The following TRIO variants were observed in gnomAD, a reference collection of about 807,000 sequenced individuals.
TRIO encodes the protein triple functional domain protein.
In TRIO, 58 loss-of-function variants were observed where a neutral mutation model predicts 351.9. The observed-to-expected ratio is 0.16, with a 90% CI of 0.13 to 0.21. The LOEUF (loss-of-function observed/expected upper bound fraction) is 0.21, where lower values mean the gene tolerates loss of function less well. Ranked by LOEUF, TRIO falls within the 10% of genes least tolerant of loss-of-function variation. TRIO has a pLI of 1.00. For missense variants in TRIO, 3,201 were observed against 4,027.8 expected, an observed-to-expected ratio of 0.79 and a Z score of 5.56; for synonymous variants, 1,758 against 1,595.7, an observed-to-expected ratio of 1.10 and a Z score of -2.42.
intron 1 of TRIO, among the ~76,000 whole-genome samples, chr5:14,245,359 T>C (rs918870512): frequency 6.6e-6 from 1 of 152,214 alleles, no homozygotes; most frequent in Non-Finnish European, 1.5e-5. Flanking sequence ...ATAGGATCAG[T>C]GTACGGTTTT....
At chr5:14,276,634 C>T (rs917844633) in intron 2 of TRIO, among the ~76,000 whole-genome samples, 12 of 152,128 alleles carry the variant, frequency 7.9e-5, no homozygotes, top group African/African-American at 2.4e-4. Flanking sequence ...GGTTGGACAG[C>T]GGCTGAAGAA....
chr5:14,394,181 T>G (rs1227094083), intron 28 of TRIO, 51 bp downstream of exon 28: 2 of 1,191,218 alleles, frequency 1.7e-6, no homozygotes, highest in Non-Finnish European at 2.4e-6. Context: ...TATGTATTAT[T>G]TTGACATTTA....
At chr5:14,226,533 C>G (rs1161977792) in intron 1 of TRIO, among the ~76,000 whole-genome samples, 1 of 152,152 alleles carries the variant, frequency 6.6e-6, no homozygotes, top group Admixed American at 6.5e-5. Flanking sequence ...CTTTTTGAAA[C>G]TAAGGGTAGC....
intron 15 of TRIO, 50 bp from the exon 16 acceptor site, chr5:14,366,810 G>T: frequency 6.2e-7 from 1 of 1,611,466 alleles, no homozygotes; most frequent in South Asian, 1.1e-5. Flanking sequence ...GTGGTCCACA[G>T]GATTCTCTGG....
chr5:14,308,813 T>A (rs539988397), intron 8 of TRIO, among the ~76,000 whole-genome samples: 3 of 148,728 alleles, frequency 2.0e-5, no homozygotes, highest in Admixed American at 2.0e-4. Flanking sequence ...GCCATCCACC[T>A]ACATTTATCA....
intron 1 of TRIO, among the ~76,000 whole-genome samples, chr5:14,184,394 G>T (rs146653535): frequency 6.6e-6 from 1 of 152,338 alleles, no homozygotes; most frequent in East Asian, 1.9e-4. Flanking sequence ...CTTCCCTTCT[G>T]CAACGTGCCC....
chr5:14,215,953 T>C (rs1480824137), intron 1 of TRIO, among the ~76,000 whole-genome samples: 2 of 152,202 alleles, frequency 1.3e-5, no homozygotes, highest in African/African-American at 2.4e-5. Context: ...TTCCATCCCC[T>C]CCACTTAATC....
chr5:14,384,618 T>C (rs149176225), intron 21 of TRIO, among the ~76,000 whole-genome samples: 11 of 152,284 alleles, frequency 7.2e-5, no homozygotes, highest in African/African-American at 2.6e-4. Context: ...TATCTCACCT[T>C]GATACCGAGA....
intron 13 of TRIO, among the ~76,000 whole-genome samples, chr5:14,362,366 TTTC>T (rs1744221559): frequency 6.6e-6 from 1 of 152,232 alleles, no homozygotes; most frequent in South Asian, 2.1e-4. Flanking sequence ...TTGACAGTCA[TTTC>T]TTATTGTCAT....
intron 7 of TRIO, among the ~76,000 whole-genome samples, chr5:14,303,390 T>A (rs1272542363): frequency 2.2e-5 from 3 of 134,528 alleles, no homozygotes; most frequent in Admixed American, 7.6e-5. Flanking sequence ...TTGGGATGGC[T>A]GCCGCAGGAA....
intron 3 of TRIO, among the ~76,000 whole-genome samples, chr5:14,280,985 G>A (rs1169518190): frequency 6.6e-6 from 1 of 152,154 alleles, no homozygotes; most frequent in Admixed American, 6.6e-5. Context: ...AAGCAATGTT[G>A]TGTTTTCTGG....
intron 33 of TRIO, among the ~76,000 whole-genome samples, chr5:14,417,545 G>A (rs536741529): frequency 2.0e-5 from 3 of 152,354 alleles, no homozygotes; most frequent in African/African-American, 7.2e-5. Context: ...GTGTGGGCTT[G>A]TGCTCAGTGG....
In TRIO at chr5:14,276,725, C is replaced by T. The variant is rs572008267; in HGVS notation, c.233-3597C>T. On this transcript the variant is annotated intron_variant, in intron 2 of 56. Transcript: ENST00000344204. Reference sequence around the variant, plus strand: ...TTTACATTTTACTCCTCAAAGCAAGCGTGGCTTTCTTGCAAGTTCTTTCTA... The same window carrying T: ...TTTACATTTTACTCCTCAAAGCAAGTGTGGCTTTCTTGCAAGTTCTTTCTA... 1.4e-4 allele frequency among the ~76,000 whole-genome samples: 22 copies of T among 152,278 alleles called. No individual in the cohort carries two copies. In the South Asian group the frequency reaches 3.7e-3, roughly 26 times the overall value.
intron 1 of TRIO, among the ~76,000 whole-genome samples, chr5:14,259,053 C>G (rs1257696786): frequency 6.6e-6 from 1 of 152,220 alleles, no homozygotes; most frequent in Non-Finnish European, 1.5e-5. Flanking sequence ...TTTCCTCAAG[C>G]TCACTTGCGT....
intron 49 of TRIO, 152 bp from the exon 50 acceptor site, chr5:14,496,727 C>A: frequency 1.0e-6 from 1 of 983,724 alleles, no homozygotes; most frequent in Non-Finnish European, 1.4e-6. Context: ...AAAAAAGGAA[C>A]ATTTTCTCTA....
At chr5:14,379,013 C>T (rs952024030) in intron 20 of TRIO, among the ~76,000 whole-genome samples, 1 of 152,142 alleles carries the variant, frequency 6.6e-6, no homozygotes, top group East Asian at 1.9e-4. Context: ...AATCTGACCC[C>T]GTCTTAAATA....
chr5:14,409,310 A>G (rs1748983029), intron 33 of TRIO, among the ~76,000 whole-genome samples: 2 of 151,982 alleles, frequency 1.3e-5, no homozygotes, highest in South Asian at 4.1e-4. Flanking sequence ...AACTGGGAAT[A>G]CAGCAAATTA....
intron 1 of TRIO, among the ~76,000 whole-genome samples, chr5:14,183,395 T>A (rs1789910379): frequency 6.6e-6 from 1 of 152,144 alleles, no homozygotes; most frequent in Admixed American, 6.5e-5. Flanking sequence ...GTTTACATAA[T>A]GAAAAAATAT....
Position 14,378,016 on chromosome 5 carries a change from C to T in TRIO, c.3336C>T (p.Ile1112=). 2 of 1,610,480 alleles carry T rather than the reference C, an allele frequency of 1.2e-6. No homozygotes were observed. The highest frequency in any genetic ancestry group is 1.3e-5 in the African/African-American group (1 of 75,024). The part of the protein sequence containing the change: ...IKAPEQQVKN[I]LNELFQRENR... ...TCATTTTCTTTTTTCTCTCAGATAT[C>T]TTGAATGAACTCTTCCAACGGGAGA... The change falls in exon 20 of 57, where the codon ATC becomes ATT. Residue 1112 remains isoleucine, a synonymous_variant. Coordinates refer to ENST00000344204, the MANE Select transcript of TRIO (RefSeq NM_007118.4).
Sources: gnomAD v4.1 joint callset for allele counts (sites outside exome capture counted in the v4.1 genomes callset) on GRCh38, gnomAD v4.1.1 for gene constraint, MANE v1.5 for transcripts, NCBI Gene and HGNC (gene_info 2026-07-23, HGNC 2026-07-21) for gene names.